ATXN1: variants seen among roughly 807,000 people sequenced by gnomAD.
ATXN1 encodes the protein ataxin-1.
A neutral mutation model predicts 56.4 loss-of-function variants in ATXN1; 8 were observed. The ratio of observed to expected loss-of-function variants is 0.14; its 90% CI spans 0.08 to 0.26. The LOEUF is 0.26. Ranked by LOEUF, ATXN1 falls within the 10% of genes least tolerant of loss-of-function variation. The probability of loss-of-function intolerance (pLI) is 1.00; values close to 1 mark genes in which losing one functional copy is unlikely to be tolerated. For synonymous variants in ATXN1, 514 were observed against 494.6 expected, an observed-to-expected ratio of 1.04 and a Z score of -0.52; for missense variants, 987 against 1,106.5, an observed-to-expected ratio of 0.89 and a Z score of 1.53.
intron 2 of ATXN1, among the ~76,000 whole-genome samples, chr6:16,707,515 A>G (rs932984804): frequency 8.5e-5 from 13 of 152,164 alleles, no homozygotes; most frequent in African/African-American, 1.7e-4. Context: ...TAACACCCCA[A>G]TGAATTCTAT....
intron 2 of ATXN1, among the ~76,000 whole-genome samples, chr6:16,662,409 T>C (rs764991160): frequency 2.6e-5 from 4 of 152,216 alleles, no homozygotes; most frequent in African/African-American, 9.6e-5. Flanking sequence ...CTCAGCTCAC[T>C]GCAACCTCTG....
chr6:16,747,066 T>C lies in ATXN1; in HGVS notation c.-615+6167A>G, dbSNP rs1254085878. 2.0e-5 allele frequency among the ~76,000 whole-genome samples: 3 copies of C among 152,186 alleles called. 1 individual carries two copies. The highest frequency in any genetic ancestry group is 2.9e-5 in the Non-Finnish European group (2 of 68,026). ...ACACCATACTCACTCTGTAGGGTCC[T>C]GGAAGACTACTCCATTTGAAACCAT... On this transcript the variant is annotated intron_variant, in intron 2 of 7. Coordinates refer to ENST00000436367, the MANE Select transcript of ATXN1 (RefSeq NM_001128164.2).
At chr6:16,549,913 A>G (rs1761886139) in intron 4 of ATXN1, among the ~76,000 whole-genome samples, 1 of 150,508 alleles carries the variant, frequency 6.6e-6, no homozygotes, top group Non-Finnish European at 1.5e-5. Flanking sequence ...AAAAAAAAAA[A>G]AAAAGGAATA....
At chr6:16,605,881 A>G (rs1177850489) in intron 3 of ATXN1, among the ~76,000 whole-genome samples, 1 of 152,142 alleles carries the variant, frequency 6.6e-6, no homozygotes, top group East Asian at 1.9e-4. Context: ...TAATCCCAGC[A>G]CTTTGGGAGG....
chr6:16,684,852 GTT>G (rs67153659), intron 2 of ATXN1, among the ~76,000 whole-genome samples: 12 of 147,060 alleles, frequency 8.2e-5, no homozygotes, highest in South Asian at 6.4e-4. Context: ...ATTAGGGCTG[GTT>G]TTTTTTTTTT....
intron 3 of ATXN1, among the ~76,000 whole-genome samples, chr6:16,613,137 C>A (rs1349749951): frequency 1.3e-5 from 2 of 149,450 alleles, no homozygotes; most frequent in Non-Finnish European, 3.0e-5. Context: ...CGGTGGCGGG[C>A]GCCTGTAGTC....
chr6:16,573,576 T>C (rs1762369559), intron 4 of ATXN1, among the ~76,000 whole-genome samples: 1 of 152,128 alleles, frequency 6.6e-6, no homozygotes, highest in South Asian at 2.1e-4. Context: ...GCCCCTTCCA[T>C]AAACAAGAAC....
chr6:16,566,591 C>T (rs577908648), intron 4 of ATXN1, among the ~76,000 whole-genome samples: 19 of 152,170 alleles, frequency 1.2e-4, no homozygotes, highest in Non-Finnish European at 2.2e-4. Flanking sequence ...CGGTGGCTCA[C>T]GACTGTAATC....
At chr6:16,532,942 T>C (rs1021744402) in intron 4 of ATXN1, among the ~76,000 whole-genome samples, 7 of 152,208 alleles carry the variant, frequency 4.6e-5, no homozygotes, top group African/African-American at 1.7e-4. Flanking sequence ...CCAGTGTTCA[T>C]AGCCACATAA....
intron 5 of ATXN1, among the ~76,000 whole-genome samples, chr6:16,496,278 G>A (rs77055558): frequency 0.029 from 4,462 of 152,306 alleles, 92 homozygotes; most frequent in Middle Eastern, 0.079. Context: ...GGTCTTAACT[G>A]TGAATACCAT....
intron 3 of ATXN1, among the ~76,000 whole-genome samples, chr6:16,607,624 C>T (rs1763034719): frequency 6.6e-6 from 1 of 152,158 alleles, no homozygotes; most frequent in African/African-American, 2.4e-5. Flanking sequence ...AATATGTACC[C>T]ATCTCTCTAG....
At chr6:16,644,364 A>C (rs1763763062) in intron 3 of ATXN1, among the ~76,000 whole-genome samples, 2 of 151,994 alleles carry the variant, frequency 1.3e-5, no homozygotes, top group Admixed American at 1.3e-4. Flanking sequence ...AAAATACAAA[A>C]ATTCCCTGGG....
At chr6:16,745,844 A>G (rs2113520355) in intron 2 of ATXN1, among the ~76,000 whole-genome samples, 1 of 152,148 alleles carries the variant, frequency 6.6e-6, no homozygotes, top group Non-Finnish European at 1.5e-5. Flanking sequence ...GGCTGCTCTG[A>G]GAAGCTCCTC....
intron 6 of ATXN1, among the ~76,000 whole-genome samples, chr6:16,434,210 T>C (rs1759343808): frequency 1.3e-5 from 2 of 152,208 alleles, no homozygotes; most frequent in African/African-American, 2.4e-5. Flanking sequence ...GTTTCTCCCT[T>C]TTCCTGTTGC....
chr6:16,424,823 T>C (rs890543195), intron 6 of ATXN1, among the ~76,000 whole-genome samples: 1 of 152,146 alleles, frequency 6.6e-6, no homozygotes, highest in African/African-American at 2.4e-5. Flanking sequence ...GGCTGGACCA[T>C]TCAGAACCTT....
chr6:16,325,279 G>T (rs2282847), intron 7 of ATXN1, among the ~76,000 whole-genome samples: 41,300 of 151,728 alleles, frequency 0.27, 6,477 homozygotes, highest in East Asian at 0.46. Context: ...CACCATGCCC[G>T]GCTAATTTTT....
At position 16,362,097 on chromosome 6, in the gene ATXN1, CCGTAACTGGTGTTCATGTAACTG is replaced by C. The variant is rs1761819687; in HGVS notation, c.-160-33650_-160-33628del. On this transcript the variant is annotated intron_variant, in intron 6 of 7. Transcript: ENST00000436367. The stretch of plus-strand genomic sequence containing the variant: ...GTGTCTTGTCATAACTGTAGACATT[CCGTAACTGGTGTTCATGTAACTG>C]CTGGAGCTTGCTTCAAACCAAGGCA... Among the ~76,000 whole-genome samples, 3 of 152,166 alleles carry C rather than the reference CCGTAACTGGTGTTCATGTAACTG, an allele frequency of 2.0e-5. No individual in the cohort carries two copies. The South Asian group carries it at 6.2e-4, about 32-fold the overall frequency.
At chr6:16,707,675 A>C (rs1240464710) in intron 2 of ATXN1, among the ~76,000 whole-genome samples, 1 of 152,192 alleles carries the variant, frequency 6.6e-6, no homozygotes, top group Admixed American at 6.5e-5. Context: ...AAGGTGGTTA[A>C]GTCTCAGTAG....
At chr6:16,734,927 G>A (rs1242471658) in intron 2 of ATXN1, among the ~76,000 whole-genome samples, 5 of 152,184 alleles carry the variant, frequency 3.3e-5, no homozygotes, top group African/African-American at 4.8e-5. Context: ...AGAGTTAAAG[G>A]AGTGTTCACT....
Sources: allele counts gnomAD v4.1 joint callset (sites outside exome capture counted in the v4.1 genomes callset), GRCh38; gene constraint gnomAD v4.1.1; transcripts MANE v1.5; gene names NCBI Gene and HGNC (gene_info 2026-07-23, HGNC 2026-07-21).